The following MGLL variants were observed in gnomAD, a reference collection of about 807,000 sequenced individuals.
MGLL encodes the protein monoglyceride lipase.
A neutral mutation model predicts 29.1 loss-of-function variants in MGLL; 7 were observed. The observed-to-expected ratio is 0.24, with a 90% CI of 0.14 to 0.45. The LOEUF (loss-of-function observed/expected upper bound fraction) is 0.45, where lower values mean the gene tolerates loss of function less well. MGLL is among the 20% of genes least tolerant of loss of function. MGLL has a pLI of 0.99. For synonymous variants in MGLL, 148 were observed against 168.3 expected, an observed-to-expected ratio of 0.88 and a Z score of 0.93; for missense variants, 356 against 413.6, an observed-to-expected ratio of 0.86 and a Z score of 1.21.
At chr3:127,732,905 C>G (rs2076176468) in intron 3 of MGLL, among the ~76,000 whole-genome samples, 1 of 152,126 alleles carries the variant, frequency 6.6e-6, no homozygotes, top group Non-Finnish European at 1.5e-5. Context: ...TTTTCCAGCC[C>G]AGGGCTGTCT....
chr3:127,804,253 C>T (rs920281308), intron 2 of MGLL, among the ~76,000 whole-genome samples: 7 of 152,248 alleles, frequency 4.6e-5, no homozygotes, highest in African/African-American at 1.7e-4. Context: ...GAGGATGGGG[C>T]CGCAGAGCCA....
chr3:127,693,355 G>A (rs1290835080), intron 7 of MGLL, among the ~76,000 whole-genome samples: 1 of 152,200 alleles, frequency 6.6e-6, no homozygotes, highest in Non-Finnish European at 1.5e-5. Flanking sequence ...CTTTTAAAAT[G>A]AAAATCACAG....
At chr3:127,805,548 C>T (rs2077551283) in intron 2 of MGLL, among the ~76,000 whole-genome samples, 2 of 152,194 alleles carry the variant, frequency 1.3e-5, no homozygotes, top group African/African-American at 2.4e-5. Flanking sequence ...TCAGTCTTCT[C>T]ACCTGTAAAA....
chr3:127,807,129 T>C (rs1472408985), intron 2 of MGLL, among the ~76,000 whole-genome samples: 3 of 152,198 alleles, frequency 2.0e-5, no homozygotes, highest in Non-Finnish European at 4.4e-5. Flanking sequence ...GGTTTTTCTT[T>C]GTTGGTAGTT....
chr3:127,689,666 C>T lies in MGLL; in HGVS notation c.*2532G>A, dbSNP rs1251192711. On this transcript the variant is annotated 3_prime_UTR_variant, in exon 8 of 8. Transcript: ENST00000265052. ...TCCAAACCTCAGTTCCTCCACGCCCCTGCGCTGGTGTGACTCCAGAGCTCA... is the reference window on the plus strand; with the variant it reads ...TCCAAACCTCAGTTCCTCCACGCCCTTGCGCTGGTGTGACTCCAGAGCTCA... 6.6e-6 allele frequency: 1 copy of T among 152,356 alleles called. No individual in the cohort carries two copies. Among genetic ancestry groups the T allele is most frequent in the Admixed American group, 6.5e-5 (1 of 15,286 alleles). The allele number at this position is 152,356 out of a possible 1,614,324, so 9.4% of individuals were successfully genotyped here. A position where few individuals can be genotyped will look rare whatever the true frequency, so the allele number is the denominator to read the frequency against.
intron 3 of MGLL, among the ~76,000 whole-genome samples, chr3:127,726,171 A>AGAAG: frequency 3.1e-5 from 1 of 32,274 alleles, no homozygotes; most frequent in South Asian, 7.0e-4. Flanking sequence ...AAAGAAAGAA[A>AGAAG]GAAAGAAAGA....
In MGLL at chr3:127,731,875, C is replaced by T. The variant is rs187181634; in HGVS notation, c.263-9309G>A. Among the ~76,000 whole-genome samples, 266 of 152,328 alleles carry T rather than the reference C, an allele frequency of 1.7e-3. 2 individuals are homozygous for T. Among genetic ancestry groups the T allele is most frequent in the African/African-American group, 6.0e-3 (249 of 41,566 alleles). ...TTCATGTCTGTGTGTCTTACCATAT[C>T]CAATTAAAACAGATCCTAGGTACTC... On this transcript the variant is annotated intron_variant, in intron 3 of 7. Transcript: ENST00000265052.
At chr3:127,748,707 A>G (rs1449186857) in intron 3 of MGLL, among the ~76,000 whole-genome samples, 2 of 151,994 alleles carry the variant, frequency 1.3e-5, no homozygotes, top group Non-Finnish European at 2.9e-5. Context: ...TTGATCTTGC[A>G]TTTTCAGCCT....
intron 2 of MGLL, among the ~76,000 whole-genome samples, chr3:127,792,193 G>C (rs1182521957): frequency 6.6e-6 from 1 of 152,198 alleles, no homozygotes; most frequent in Admixed American, 6.5e-5. Context: ...AGATACTTGT[G>C]TTATATCAAC....
chr3:127,812,322 G>A (rs894418802), intron 2 of MGLL, among the ~76,000 whole-genome samples: 3 of 152,196 alleles, frequency 2.0e-5, no homozygotes, highest in African/African-American at 7.2e-5. Flanking sequence ...TCAAAAAGAA[G>A]TTCACACCAA....
Position 127,785,017 on chromosome 3 carries a change from C to T in MGLL, c.156-3122G>A, listed in dbSNP as rs1196081474. On this transcript the variant is annotated intron_variant, in intron 2 of 7. Transcript: ENST00000265052. ...CCCAGATGTGCCAGGCGATAGTGTG[C>T]TGTTAAATGTTTAACAACTGGGGGT... Among the ~76,000 whole-genome samples, 4 of 152,186 alleles carry T rather than the reference C, an allele frequency of 2.6e-5. No homozygotes were observed. The South Asian group carries it at 6.2e-4, about 24-fold the overall frequency.
At chr3:127,814,874 C>T (rs2077727816) in intron 2 of MGLL, among the ~76,000 whole-genome samples, 1 of 152,176 alleles carries the variant, frequency 6.6e-6, no homozygotes, top group African/African-American at 2.4e-5. Context: ...GGAGAAATAA[C>T]AGCTTCATAC....
In MGLL at chr3:127,722,511, G is replaced by A. The variant is rs201366862; in HGVS notation, c.318C>T (p.Phe106=). 3.6e-5 allele frequency: 58 copies of A among 1,614,090 alleles called. No homozygotes were observed. The highest frequency in any genetic ancestry group is 1.6e-4 in the Middle Eastern group (1 of 6,084). The change falls in exon 4 of 8, where the codon TTC becomes TTT. Residue 106 remains phenylalanine (F), a synonymous_variant. Transcript: ENST00000265052. ...CCACATGCTGCAACACATCCCTGAC[G>A]AAAACGTGGAAGTCAGACACTACCA... ...ERMVVSDFHV[F]VRDVLQHVDS... is the part of the protein sequence containing the mutation.
chr3:127,755,758 C>T (rs2076652784), intron 3 of MGLL, among the ~76,000 whole-genome samples: 2 of 152,222 alleles, frequency 1.3e-5, no homozygotes, highest in African/African-American at 2.4e-5. Flanking sequence ...CATGTTCCCT[C>T]GCCCCCTTAA....
intron 3 of MGLL, among the ~76,000 whole-genome samples, chr3:127,779,124 G>A (rs2077082852): frequency 6.9e-6 from 1 of 144,406 alleles, no homozygotes; most frequent in South Asian, 2.3e-4. Context: ...CCAATACTTT[G>A]GGAGGCCGAG....
chr3:127,710,643 T>A lies in MGLL; in HGVS notation c.533A>T (p.Asn178Ile). 1 of 1,573,006 alleles carries A rather than the reference T, an allele frequency of 6.4e-7. No homozygotes were observed. Among genetic ancestry groups the A allele is most frequent in the Non-Finnish European group, 8.6e-7 (1 of 1,158,274 alleles). Residue 178 changes from asparagine to isoleucine, a missense_variant, in exon 6 of 8, where the codon AAC (asparagine) becomes ATC (isoleucine). Physicochemically the swap from Asn to Ile is moderately radical, Grantham distance 149. Transcript: ENST00000265052. ...GAGGGACAAGTTTGGCAGCACAAGG[T>A]TGAGCACTTTCGCAGCAAGGACCTA... ...TFKVLAAKVL[N>I]LVLPNLSLGP...
At chr3:127,810,942 T>C (rs1487393464) in intron 2 of MGLL, among the ~76,000 whole-genome samples, 2 of 138,032 alleles carry the variant, frequency 1.4e-5, no homozygotes, top group Non-Finnish European at 2.9e-5. Flanking sequence ...TAGATGCATT[T>C]CACACAGAGT....
chr3:127,724,718 C>T (rs989214125), intron 3 of MGLL, among the ~76,000 whole-genome samples: 1 of 152,164 alleles, frequency 6.6e-6, no homozygotes, highest in Non-Finnish European at 1.5e-5. Flanking sequence ...TGCACACAAA[C>T]GCTGAGCCAA....
intron 3 of MGLL, among the ~76,000 whole-genome samples, chr3:127,778,727 T>C (rs1001523391): frequency 2.0e-5 from 3 of 152,196 alleles, no homozygotes; most frequent in Non-Finnish European, 2.9e-5. Context: ...ATAAATGTCC[T>C]GACATTCTCC....
Sources: allele counts gnomAD v4.1 joint callset (sites outside exome capture counted in the v4.1 genomes callset), GRCh38; gene constraint gnomAD v4.1.1; transcripts MANE v1.5; gene names NCBI Gene and HGNC (gene_info 2026-07-23, HGNC 2026-07-21).